Variants in NTM observed in about 807,000 individuals in gnomAD.
NTM encodes IgLON family member 2.
In NTM, 13 loss-of-function variants were observed where a neutral mutation model predicts 42.1. The ratio of observed to expected loss-of-function variants is 0.31; its 90% CI spans 0.20 to 0.49. The LOEUF is 0.49. NTM is among the 20% of genes least tolerant of loss of function. NTM has a pLI of 0.99. For synonymous variants in NTM, 187 were observed against 179.2 expected, an observed-to-expected ratio of 1.04 and a Z score of -0.35; for missense variants, 373 against 452.8, an observed-to-expected ratio of 0.82 and a Z score of 1.60.
In NTM at chr11:131,905,908, T is replaced by C. The variant is rs113559172; in HGVS notation, c.83-5656T>C. Among the ~76,000 whole-genome samples the C allele has an allele frequency of 7.6e-4, 115 of 152,280 alleles. 1 individual carries two copies. Among genetic ancestry groups the C allele is most frequent in the Non-Finnish European group, 1.2e-3 (80 of 68,022 alleles). On this transcript the variant is annotated intron_variant, in intron 1 of 8. Coordinates refer to ENST00000683400, the MANE Select transcript of NTM (RefSeq NM_001352005.2). ...TGCCTGGGAATCTGGATAAGTGTAA[T>C]GAGACAAATCACTTCCCACAGGCTA...
chr11:131,603,716 C>T lies in NTM; in HGVS notation c.82+232828C>T, dbSNP rs143198530. Among the ~76,000 whole-genome samples the T allele has an allele frequency of 4.4e-3, 676 of 152,256 alleles. 2 individuals are homozygous for T. The highest frequency in any genetic ancestry group is 6.4e-3 in the Non-Finnish European group (438 of 68,030). On this transcript the variant is annotated intron_variant, in intron 1 of 8. Coordinates refer to ENST00000683400, the MANE Select transcript of NTM (RefSeq NM_001352005.2). Reference sequence around the variant, plus strand: ...TCCCGTACACTCAGCACTGGGCAACCGTTAATCTGCTAATGTTCCCACAGA... The same window carrying T: ...TCCCGTACACTCAGCACTGGGCAACTGTTAATCTGCTAATGTTCCCACAGA...
chr11:131,880,904 C>G lies in NTM; in HGVS notation c.83-30660C>G, dbSNP rs183729998. On this transcript the variant is annotated intron_variant, in intron 1 of 8. Coordinates refer to ENST00000683400, the MANE Select transcript of NTM (RefSeq NM_001352005.2). ...ATCCCATATGCAAAGATATAGGGCT[C>G]CTGAACTACATTTGGCAGGTAGGGA... Among the ~76,000 whole-genome samples the G allele has an allele frequency of 1.1e-4, 17 of 152,102 alleles. No individual in the cohort carries two copies. In the East Asian group the frequency reaches 3.1e-3, roughly 28 times the overall value.
intron 4 of NTM, among the ~76,000 whole-genome samples, chr11:132,253,913 G>C (rs1487042486): frequency 1.3e-5 from 2 of 152,186 alleles, no homozygotes; most frequent in Non-Finnish European, 2.9e-5. Context: ...CTCGTGCAGA[G>C]GACATAGGAG....
intron 2 of NTM, among the ~76,000 whole-genome samples, chr11:132,082,509 T>G (rs1464462340): frequency 6.6e-6 from 1 of 152,146 alleles, no homozygotes; most frequent in Non-Finnish European, 1.5e-5. Flanking sequence ...ACTGGGCATG[T>G]GTTAAGGGAC....
At chr11:131,638,171 T>C (rs1041318223) in intron 1 of NTM, among the ~76,000 whole-genome samples, 1 of 152,180 alleles carries the variant, frequency 6.6e-6, no homozygotes, top group Non-Finnish European at 1.5e-5. Flanking sequence ...ATGTACCTTA[T>C]TGATAAGGTT....
intron 4 of NTM, among the ~76,000 whole-genome samples, chr11:132,234,916 C>A (rs546496847): frequency 6.6e-6 from 1 of 152,142 alleles, no homozygotes; most frequent in Non-Finnish European, 1.5e-5. Context: ...AGATTTTCAA[C>A]GTTAGATTCC....
intron 2 of NTM, among the ~76,000 whole-genome samples, chr11:131,946,098 C>A (rs188435523): frequency 1.5e-3 from 227 of 152,186 alleles, no homozygotes; most frequent in African/African-American, 5.0e-3. Flanking sequence ...AAAGCGATCC[C>A]GGAAATCTGG....
chr11:132,309,378 A>C (rs2095207940), intron 5 of NTM, among the ~76,000 whole-genome samples: 1 of 152,184 alleles, frequency 6.6e-6, no homozygotes, highest in South Asian at 2.1e-4. Flanking sequence ...ATTCTCCTTG[A>C]ATATTATTTC....
At chr11:131,745,574 T>TA (rs1273616827) in intron 1 of NTM, among the ~76,000 whole-genome samples, 3 of 152,138 alleles carry the variant, frequency 2.0e-5, no homozygotes, top group African/African-American at 7.2e-5. Context: ...CAGTGACACA[T>TA]ATTGAAAGGA....
intron 2 of NTM, among the ~76,000 whole-genome samples, chr11:132,036,235 T>C (rs1211858835): frequency 6.6e-6 from 1 of 152,164 alleles, no homozygotes; most frequent in Non-Finnish European, 1.5e-5. Context: ...ATGCTATTTG[T>C]TCTCCTCAAT....
In NTM at chr11:131,911,205, G is replaced by C. The variant is rs1180071706; in HGVS notation, c.83-359G>C. On this transcript the variant is annotated intron_variant, in intron 1 of 8. Coordinates refer to ENST00000683400, the MANE Select transcript of NTM (RefSeq NM_001352005.2). ...ACCTGCCGCGCGCTTCCCCCTCCTC[G>C]GCCACCTTCCCGGCGGAAGCAGCGA... 3.5e-5 allele frequency: 48 copies of C among 1,375,706 alleles called. No individual in the cohort carries two copies. In the South Asian group the frequency reaches 6.7e-4, roughly 19 times the overall value. 85.2% of individuals were successfully genotyped at this position (1,375,706 alleles called of 1,614,324 possible).
Position 132,003,078 on chromosome 11 carries a change from G to A in NTM, c.167+91430G>A, listed in dbSNP as rs1034141819. Among the ~76,000 whole-genome samples the A allele has an allele frequency of 6.6e-6, 1 of 152,086 alleles. No homozygotes were observed. Among genetic ancestry groups the A allele is most frequent in the South Asian group, 2.1e-4 (1 of 4,830 alleles). ...AGCGCACTAAACAGTAAGATGCGCTGCCACAGTTGTGTGTGTAATTGACTT... is the reference window on the plus strand; with the variant it reads ...AGCGCACTAAACAGTAAGATGCGCTACCACAGTTGTGTGTGTAATTGACTT... On this transcript the variant is annotated intron_variant, in intron 2 of 8. Transcript: ENST00000683400. The surrounding 1 kb of genome is among the most constrained non-coding windows in gnomAD (Gnocchi z 6.0).
intron 1 of NTM, among the ~76,000 whole-genome samples, chr11:131,681,021 C>T (rs556771605): frequency 0.032 from 889 of 27,780 alleles, 227 homozygotes; most frequent in African/African-American, 0.12. Flanking sequence ...GTATGTCTCC[C>T]TGTGTGTGTG....
intron 1 of NTM, among the ~76,000 whole-genome samples, chr11:131,691,077 A>T (rs1033577775): frequency 2.0e-5 from 3 of 152,180 alleles, no homozygotes; most frequent in Non-Finnish European, 2.9e-5. Flanking sequence ...ACCGCAGAGG[A>T]TCCGGCGCCT....
At chr11:131,530,282 A>G (rs906821969) in intron 1 of NTM, among the ~76,000 whole-genome samples, 1 of 152,160 alleles carries the variant, frequency 6.6e-6, no homozygotes, top group South Asian at 2.1e-4. Flanking sequence ...AGATATACCT[A>G]GACTAGTGTG....
chr11:131,873,611 CCGTATATAT>C (rs1445745267), intron 1 of NTM, among the ~76,000 whole-genome samples: 1 of 43,490 alleles, frequency 2.3e-5, no homozygotes, highest in East Asian at 9.0e-4. Context: ...TATATATATA[CCGTATATAT>C]ATACATATAT....
At chr11:132,135,641 C>A (rs533948839) in intron 2 of NTM, among the ~76,000 whole-genome samples, 12 of 152,330 alleles carry the variant, frequency 7.9e-5, no homozygotes, top group African/African-American at 2.9e-4. Context: ...CTGGGGGACG[C>A]AAACCCTAGG....
At chr11:132,100,743 G>A (rs959816685) in intron 2 of NTM, among the ~76,000 whole-genome samples, 37 of 152,138 alleles carry the variant, frequency 2.4e-4, no homozygotes, top group Middle Eastern at 3.4e-3. Flanking sequence ...CACTACCAGC[G>A]CCCCACCCCC....
At chr11:131,482,749 G>T (rs79033447) in intron 1 of NTM, among the ~76,000 whole-genome samples, 1 of 152,158 alleles carries the variant, frequency 6.6e-6, no homozygotes, top group African/African-American at 2.4e-5. Flanking sequence ...ATGCAAATTT[G>T]GGAGAGTGGA....
Sources: gnomAD v4.1 joint callset for allele counts (sites outside exome capture counted in the v4.1 genomes callset) on GRCh38, gnomAD v4.1.1 for gene constraint, Gnocchi (gnomAD v3.1) non-coding constraint, MANE v1.5 for transcripts, NCBI Gene and HGNC (gene_info 2026-07-23, HGNC 2026-07-21) for gene names.